The following BCAS3 variants were observed in gnomAD, a reference collection of about 807,000 sequenced individuals.
The protein encoded by BCAS3 is BCAS3 microtubule associated cell migration factor, also known as BCAS4/BCAS3 fusion.
Under a neutral mutation model 116.1 loss-of-function variants are expected in BCAS3, and 53 were observed. The observed-to-expected ratio is 0.46, with a 90% CI of 0.37 to 0.57. The LOEUF is 0.57. BCAS3 is among the 20% of genes least tolerant of loss of function. BCAS3 has a pLI of 0.00. For synonymous variants in BCAS3, 391 were observed against 408.2 expected, an observed-to-expected ratio of 0.96 and a Z score of 0.51; for missense variants, 917 against 1,165.4, an observed-to-expected ratio of 0.79 and a Z score of 3.10.
At chr17:61,253,508 T>C (rs1309458246) in intron 22 of BCAS3, among the ~76,000 whole-genome samples, 1 of 152,112 alleles carries the variant, frequency 6.6e-6, no homozygotes, top group Non-Finnish European at 1.5e-5. Context: ...TATACTATCA[T>C]CTGTCTTATT....
chr17:60,701,324 T>C (rs1397586265), intron 4 of BCAS3, among the ~76,000 whole-genome samples: 1 of 152,160 alleles, frequency 6.6e-6, no homozygotes, highest in Non-Finnish European at 1.5e-5. Flanking sequence ...TGCTTTATGA[T>C]TTTGGAAAAC....
intron 22 of BCAS3, among the ~76,000 whole-genome samples, chr17:61,320,208 T>C (rs1212594819): frequency 6.6e-6 from 1 of 151,882 alleles, no homozygotes; most frequent in Non-Finnish European, 1.5e-5. Flanking sequence ...CTTTTTTCTA[T>C]GCATTTATTA....
At position 61,243,153 on chromosome 17, in the gene BCAS3, G is replaced by A. The variant is rs2109021; in HGVS notation, c.2426-125174G>A. Among the ~76,000 whole-genome samples the A allele has an allele frequency of 1.6e-3, 238 of 152,124 alleles. 1 individual carries two copies. Among genetic ancestry groups the A allele is most frequent in the African/African-American group, 5.4e-3 (225 of 41,528 alleles). On this transcript the variant is annotated intron_variant, in intron 22 of 23. Coordinates refer to ENST00000407086, the MANE Select transcript of BCAS3 (RefSeq NM_017679.5). The surrounding 1 kb of genome is among the most constrained non-coding windows in gnomAD (Gnocchi z 5.6). ...CCTCCATCTCCTGACCTCGTGATCC[G>A]CCCGCCACGGCCTCCCAAAGTGCTG...
At chr17:61,152,461 A>C (rs1601601423) in intron 22 of BCAS3, among the ~76,000 whole-genome samples, 1 of 152,194 alleles carries the variant, frequency 6.6e-6, no homozygotes, top group East Asian at 1.9e-4. Context: ...AAAGTTCTCC[A>C]AGTCCCCACT....
At chr17:60,965,226 AT>A (rs142254431) in intron 14 of BCAS3, among the ~76,000 whole-genome samples, 4,390 of 131,526 alleles carry the variant, frequency 0.033, 118 homozygotes, top group African/African-American at 0.092. Context: ...GGTATATTGA[AT>A]TTTTTTTTTT....
Position 61,171,490 on chromosome 17 carries a change from G to T in BCAS3, c.2425+86926G>T, listed in dbSNP as rs2078837300. Reference sequence around the variant, plus strand: ...AAATGGTCTAAACACTCAATTAAAAGACAGGAAATGTAAGATTGGATAAAA... The same window carrying T: ...AAATGGTCTAAACACTCAATTAAAATACAGGAAATGTAAGATTGGATAAAA... On this transcript the variant is annotated intron_variant, in intron 22 of 23. Transcript: ENST00000407086. This position sits in a 1 kb window ranked among gnomAD's most constrained non-coding sequence, Gnocchi z 4.1. Among the ~76,000 whole-genome samples the T allele has an allele frequency of 6.6e-6, 1 of 152,070 alleles. No individual in the cohort carries two copies.
chr17:61,297,812 T>C (rs2053069057), intron 22 of BCAS3, among the ~76,000 whole-genome samples: 1 of 152,250 alleles, frequency 6.6e-6, no homozygotes, highest in Non-Finnish European at 1.5e-5. Flanking sequence ...ACGGTATTTT[T>C]ATTCCGTCCA....
rs1426190908 is a variant in BCAS3, at chr17:61,139,453, T to C, written c.2425+54889T>C. ...TCTCAGTCTGTCGAGAGAGCATGGC[T>C]GCACCCTGTGCATTCTGGGCACACA... On this transcript the variant is annotated intron_variant, in intron 22 of 23. Transcript: ENST00000407086. This position sits in a 1 kb window ranked among gnomAD's most constrained non-coding sequence, Gnocchi z 4.7. Among the ~76,000 whole-genome samples the C allele has an allele frequency of 2.0e-5, 3 of 152,238 alleles. No homozygotes were observed. Among genetic ancestry groups the C allele is most frequent in the Non-Finnish European group, 4.4e-5 (3 of 68,046 alleles).
At chr17:60,963,697 A>G (rs1392769992) in intron 14 of BCAS3, among the ~76,000 whole-genome samples, 1 of 151,840 alleles carries the variant, frequency 6.6e-6, no homozygotes, top group Non-Finnish European at 1.5e-5. Flanking sequence ...CTGGGACCAC[A>G]GGCGCCTGCC....
At chr17:60,882,218 T>C (rs1377305827) in intron 9 of BCAS3, among the ~76,000 whole-genome samples, 1 of 152,212 alleles carries the variant, frequency 6.6e-6, no homozygotes, top group African/African-American at 2.4e-5. Context: ...TCCATGTGTT[T>C]TTTGGCTGCA....
At chr17:61,191,760 G>A (rs181747879) in intron 22 of BCAS3, among the ~76,000 whole-genome samples, 2 of 144,268 alleles carry the variant, frequency 1.4e-5, no homozygotes, top group East Asian at 4.0e-4. Flanking sequence ...GGGCAACAGA[G>A]TGAGACTCCG....
At chr17:61,169,868 C>T in intron 22 of BCAS3, among the ~76,000 whole-genome samples, 1 of 151,980 alleles carries the variant, frequency 6.6e-6, no homozygotes, top group East Asian at 1.9e-4. Flanking sequence ...ATTTTCTTTT[C>T]TTTTGAGACA....
chr17:60,842,772 T>C (rs2052076068), intron 7 of BCAS3, among the ~76,000 whole-genome samples: 1 of 152,132 alleles, frequency 6.6e-6, no homozygotes, highest in Non-Finnish European at 1.5e-5. Context: ...GTACTGAAAA[T>C]GAATTCCTCC....
chr17:61,167,710 G>C (rs1278649616), intron 22 of BCAS3, among the ~76,000 whole-genome samples: 1 of 152,186 alleles, frequency 6.6e-6, no homozygotes, highest in Non-Finnish European at 1.5e-5. Flanking sequence ...ATATGCTGTG[G>C]GAGCCCAGAC....
intron 19 of BCAS3, among the ~76,000 whole-genome samples, chr17:61,053,887 A>T (rs1033607666): frequency 6.6e-6 from 1 of 152,198 alleles, no homozygotes; most frequent in Non-Finnish European, 1.5e-5. Context: ...ATATCCTTCC[A>T]TAGAGAAATG....
chr17:61,023,627 A>G lies in BCAS3; in HGVS notation c.1637+7726A>G, dbSNP rs537109782. ...GTAAGATTGAAGACTTTGTGGCACC[A>G]TGTGGCATTCAACAAAATGAATCAG... On this transcript the variant is annotated intron_variant, in intron 16 of 23. Coordinates refer to ENST00000407086, the MANE Select transcript of BCAS3 (RefSeq NM_017679.5). This position sits in a 1 kb window ranked among gnomAD's most constrained non-coding sequence, Gnocchi z 4.8. 1.3e-5 allele frequency among the ~76,000 whole-genome samples: 2 copies of G among 152,298 alleles called. No homozygotes were observed. Among genetic ancestry groups the G allele is most frequent in the South Asian group, 4.1e-4 (2 of 4,830 alleles).
At chr17:61,038,108 T>C in intron 18 of BCAS3, 54 bp downstream of exon 18, 1 of 1,501,414 alleles carries the variant, frequency 6.7e-7, no homozygotes, top group Non-Finnish European at 9.1e-7. Context: ...GTATAGAAGA[T>C]TAAAAGCGTA....
At chr17:60,917,672 C>G (rs986590967) in intron 12 of BCAS3, among the ~76,000 whole-genome samples, 1 of 152,016 alleles carries the variant, frequency 6.6e-6, no homozygotes, top group Non-Finnish European at 1.5e-5. Flanking sequence ...TGGCCCACTG[C>G]AACTGCTGCC....
At position 60,955,491 on chromosome 17, in the gene BCAS3, G is replaced by A. The variant is rs963311966; in HGVS notation, c.1221+8139G>A. Among the ~76,000 whole-genome samples the A allele has an allele frequency of 1.0e-4, 15 of 150,718 alleles. No homozygotes were observed. In the East Asian group the frequency reaches 1.4e-3, roughly 14 times the overall value. On this transcript the variant is annotated intron_variant, in intron 14 of 23. Coordinates refer to ENST00000407086, the MANE Select transcript of BCAS3 (RefSeq NM_017679.5). ...AACCTCCCGACTGCCTGGTTCAAGC[G>A]ATTCTCCTGCCTCAGCCTCTGGGAT...
Sources: gnomAD v4.1 joint callset for allele counts (sites outside exome capture counted in the v4.1 genomes callset) on GRCh38, gnomAD v4.1.1 for gene constraint, Gnocchi (gnomAD v3.1) non-coding constraint, MANE v1.5 for transcripts, NCBI Gene and HGNC (gene_info 2026-07-23, HGNC 2026-07-21) for gene names.